Variants in PCDHA5 observed in about 807,000 individuals in gnomAD.
The protein encoded by PCDHA5 is protocadherin alpha-5.
A neutral mutation model predicts 61.6 loss-of-function variants in PCDHA5; 43 were observed. The ratio of observed to expected loss-of-function variants is 0.70; its 90% CI spans 0.55 to 0.90. PCDHA5 has a LOEUF of 0.90. Among genes scored for constraint, PCDHA5 ranks in the 40% least tolerant of loss-of-function variants. PCDHA5 has a pLI of 0.00. For synonymous variants in PCDHA5, 627 were observed against 543.9 expected, an observed-to-expected ratio of 1.15 and a Z score of -2.13; for missense variants, 1,298 against 1,222.7, an observed-to-expected ratio of 1.06 and a Z score of -0.92.
At chr5:140,981,049 T>C (rs2096916420) in intron 2 of PCDHA5, among the ~76,000 whole-genome samples, 1 of 152,158 alleles carries the variant, frequency 6.6e-6, no homozygotes. Context: ...AAACAGATAA[T>C]TCTAGAGTGT....
intron 1 of PCDHA5, among the ~76,000 whole-genome samples, chr5:140,932,345 C>G (rs1332373274): frequency 6.6e-6 from 1 of 151,820 alleles, no homozygotes; most frequent in African/African-American, 2.4e-5. Context: ...AAACACTTAC[C>G]ATACAACTGG....
chr5:140,864,059 T>C (rs1371478916), intron 1 of PCDHA5: 1 of 152,732 alleles, frequency 6.5e-6, no homozygotes, highest in Non-Finnish European at 1.5e-5. Flanking sequence ...ACAGTCACCA[T>C]GAACATTCTT....
At chr5:140,868,379 T>A (rs1554161939) in intron 1 of PCDHA5, 7 of 152,204 alleles carry the variant, frequency 4.6e-5, no homozygotes, top group African/African-American at 2.4e-5. Flanking sequence ...CAGTAAAGAA[T>A]GAGAACTATA....
intron 1 of PCDHA5, among the ~76,000 whole-genome samples, chr5:140,910,225 T>C (rs1194368347): frequency 6.6e-6 from 1 of 152,232 alleles, no homozygotes; most frequent in Non-Finnish European, 1.5e-5. Flanking sequence ...TTTCTGCTTA[T>C]ATAAATTAAA....
chr5:140,878,938 A>G (rs1413471911), intron 1 of PCDHA5, among the ~76,000 whole-genome samples: 1 of 152,226 alleles, frequency 6.6e-6, no homozygotes, highest in African/African-American at 2.4e-5. Flanking sequence ...TTTTAAATAA[A>G]TATATGGTAT....
chr5:141,001,946 G>A (rs1554258360), intron 3 of PCDHA5, among the ~76,000 whole-genome samples: 4 of 147,266 alleles, frequency 2.7e-5, no homozygotes, highest in African/African-American at 1.1e-4. Flanking sequence ...CGGAAATAAG[G>A]AGGAGGGAGA....
chr5:140,927,574 G>T, intron 1 of PCDHA5: 1 of 1,614,168 alleles, frequency 6.2e-7, no homozygotes, highest in Non-Finnish European at 8.5e-7. Flanking sequence ...GGACACAAAT[G>T]ACAACGCGCC....
chr5:140,874,039 GTGA>G (rs1372721490), intron 1 of PCDHA5, among the ~76,000 whole-genome samples: 1 of 152,152 alleles, frequency 6.6e-6, no homozygotes, highest in African/African-American at 2.4e-5. Context: ...AAGAAACTTG[GTGA>G]TGATATTAGA....
At chr5:140,982,795 AT>A (rs2097005249) in intron 3 of PCDHA5, among the ~76,000 whole-genome samples, 1 of 151,516 alleles carries the variant, frequency 6.6e-6, no homozygotes, top group African/African-American at 2.4e-5. Flanking sequence ...GCATGTGTGC[AT>A]GTGTGTGTGT....
intron 3 of PCDHA5, among the ~76,000 whole-genome samples, chr5:140,984,251 T>C (rs1164028325): frequency 6.6e-6 from 1 of 152,210 alleles, no homozygotes; most frequent in Non-Finnish European, 1.5e-5. Flanking sequence ...GTCGACCTGG[T>C]AAGCCACAAA....
chr5:140,877,868 T>A, intron 1 of PCDHA5: 1 of 1,488,916 alleles, frequency 6.7e-7, no homozygotes, highest in Non-Finnish European at 8.9e-7. Context: ...TTAGATATAT[T>A]TGTTTCCTTG....
At chr5:140,871,283 C>G in intron 1 of PCDHA5, 4 of 1,613,936 alleles carry the variant, frequency 2.5e-6, no homozygotes, top group Non-Finnish European at 3.4e-6. Flanking sequence ...GCAACGCCCA[C>G]TGAGGGCGCG....
At chr5:140,845,671 T>C (rs1293125751) in intron 1 of PCDHA5, among the ~76,000 whole-genome samples, 5 of 149,692 alleles carry the variant, frequency 3.3e-5, no homozygotes, top group Non-Finnish European at 4.5e-5. Flanking sequence ...GTGTAGCCAT[T>C]GGTAAAGGAT....
intron 1 of PCDHA5, chr5:140,875,861 C>T (rs2055878739): frequency 6.2e-7 from 1 of 1,614,020 alleles, no homozygotes; most frequent in Non-Finnish European, 8.5e-7. Context: ...AACGACAACC[C>T]GCCGGTGTTC....
At chr5:140,914,564 A>AT (rs532022159) in intron 1 of PCDHA5, among the ~76,000 whole-genome samples, 1 of 152,026 alleles carries the variant, frequency 6.6e-6, no homozygotes, top group Non-Finnish European at 1.5e-5. Context: ...AGTTTAGTCC[A>AT]TTTACATTCA....
chr5:140,913,552 T>A (rs1474729453), intron 1 of PCDHA5, among the ~76,000 whole-genome samples: 1 of 152,166 alleles, frequency 6.6e-6, no homozygotes, highest in African/African-American at 2.4e-5. Context: ...GTTTTGTTGA[T>A]CTCTTGTATT....
At chr5:140,989,839 AGT>A (rs1161936815) in intron 3 of PCDHA5, among the ~76,000 whole-genome samples, 2 of 152,166 alleles carry the variant, frequency 1.3e-5, no homozygotes, top group Non-Finnish European at 2.9e-5. Context: ...CCTGTCAATG[AGT>A]GTGTGGACTG....
chr5:140,862,236 A>G (rs2047269421), intron 1 of PCDHA5: 1 of 213,620 alleles, frequency 4.7e-6, no homozygotes, highest in African/African-American at 2.3e-5. Context: ...CTTGGACATC[A>G]ATGATAGTGT....
intron 1 of PCDHA5, among the ~76,000 whole-genome samples, chr5:140,972,738 A>G (rs918730708): frequency 1.4e-5 from 2 of 142,600 alleles, no homozygotes; most frequent in Non-Finnish European, 3.0e-5. Context: ...ATCCCGGCTC[A>G]CTGCAACCTC....
Sources: allele counts gnomAD v4.1 joint callset (sites outside exome capture counted in the v4.1 genomes callset), GRCh38; gene constraint gnomAD v4.1.1; transcripts MANE v1.5; gene names NCBI Gene and HGNC (gene_info 2026-07-23, HGNC 2026-07-21).